CTNNA2: variants seen among roughly 807,000 people sequenced by gnomAD.
CTNNA2 encodes catenin alpha-2.
Under a neutral mutation model 101.0 loss-of-function variants are expected in CTNNA2, and 42 were observed. The observed-to-expected ratio is 0.42, with a 90% CI of 0.32 to 0.54. The LOEUF is 0.54. Among genes scored for constraint, CTNNA2 ranks in the 20% least tolerant of loss-of-function variants. The probability of loss-of-function intolerance (pLI) is 0.14; values close to 1 mark genes in which losing one functional copy is unlikely to be tolerated. For missense variants in CTNNA2, 871 were observed against 1,223.1 expected, an observed-to-expected ratio of 0.71 and a Z score of 4.29; for synonymous variants, 450 against 456.4, an observed-to-expected ratio of 0.99 and a Z score of 0.18.
At chr2:79,320,426 T>TTATTG (rs1676593056) in intron 3 of CTNNA2, among the ~76,000 whole-genome samples, 1 of 146,718 alleles carries the variant, frequency 6.8e-6, no homozygotes, top group South Asian at 2.2e-4. Context: ...GACTTGGAGT[T>TTATTG]TATTGTACTT....
chr2:80,178,153 G>A (rs1275324501), intron 7 of CTNNA2, among the ~76,000 whole-genome samples: 1 of 152,172 alleles, frequency 6.6e-6, no homozygotes, highest in Non-Finnish European at 1.5e-5. Flanking sequence ...GGGGACCATG[G>A]GCATCTGAGC....
chr2:80,006,003 T>G (rs400346), intron 7 of CTNNA2, among the ~76,000 whole-genome samples: 1 of 151,942 alleles, frequency 6.6e-6, no homozygotes, highest in African/African-American at 2.4e-5. Context: ...CACTAAAGAA[T>G]AAGTTTCCAT....
At chr2:79,530,014 G>A (rs942239575) in intron 1 of CTNNA2, among the ~76,000 whole-genome samples, 1 of 152,018 alleles carries the variant, frequency 6.6e-6, no homozygotes, top group African/African-American at 2.4e-5. Flanking sequence ...AGAAGAGACT[G>A]TGGAAACTGG....
chr2:79,812,432 G>T (rs1677118921), intron 3 of CTNNA2, among the ~76,000 whole-genome samples: 1 of 152,090 alleles, frequency 6.6e-6, no homozygotes, highest in Non-Finnish European at 1.5e-5. Context: ...GGAGTCACTA[G>T]CCTGAAATGA....
At chr2:79,519,781 C>T (rs1672007200) in intron 1 of CTNNA2, among the ~76,000 whole-genome samples, 1 of 152,164 alleles carries the variant, frequency 6.6e-6, no homozygotes, top group Non-Finnish European at 1.5e-5. Flanking sequence ...AGTAACCTGT[C>T]TTTTCTTATC....
Position 79,468,911 on chromosome 2 carries a change from C to A in CTNNA2, c.-134-36143C>A, listed in dbSNP as rs9789729. 0.011 allele frequency among the ~76,000 whole-genome samples: 1,631 copies of A among 152,198 alleles called. 81 individuals carry two copies. In the East Asian group the frequency reaches 0.13, roughly 12 times the overall value. Reference sequence around the variant, plus strand: ...AGAGGGAAATTTATAGCACTAAATACCCACAAGAGAAAGCAGGAAAGATCT... The same window carrying A: ...AGAGGGAAATTTATAGCACTAAATAACCACAAGAGAAAGCAGGAAAGATCT... On this transcript the variant is annotated intron_variant, in intron 4 of 21. Transcript: ENST00000466387.
Position 80,526,481 on chromosome 2 carries a change from C to T in CTNNA2, c.1291-18501C>T, listed in dbSNP as rs188189790. Among the ~76,000 whole-genome samples, 194 of 151,940 alleles carry T rather than the reference C, an allele frequency of 1.3e-3. 3 individuals carry two copies. The Middle Eastern group carries it at 0.027, about 21-fold the overall frequency. ...CCAAAGTCCTGAGATTACAGATGTGCGTCACCACGCCTGGCTAATTTTTGT... is the reference window on the plus strand; with the variant it reads ...CCAAAGTCCTGAGATTACAGATGTGTGTCACCACGCCTGGCTAATTTTTGT... On this transcript the variant is annotated intron_variant, in intron 9 of 18. Coordinates refer to ENST00000402739, the MANE Select transcript of CTNNA2 (RefSeq NM_001282597.3).
At chr2:80,636,159 G>A (rs1345671406) in intron 18 of CTNNA2, among the ~76,000 whole-genome samples, 1 of 152,030 alleles carries the variant, frequency 6.6e-6, no homozygotes, top group Non-Finnish European at 1.5e-5. Flanking sequence ...CAGCAAGATT[G>A]TTGTACTTAT....
intron 7 of CTNNA2, among the ~76,000 whole-genome samples, chr2:80,058,294 A>G (rs886202407): frequency 6.6e-6 from 1 of 152,210 alleles, no homozygotes; most frequent in Admixed American, 6.5e-5. Flanking sequence ...TTTTTAGTTT[A>G]CAGAGTTTAA....
intron 3 of CTNNA2, among the ~76,000 whole-genome samples, chr2:79,826,985 C>T (rs866227393): frequency 1.6e-4 from 24 of 152,110 alleles, no homozygotes; most frequent in African/African-American, 5.6e-4. Context: ...TGGCATTTTT[C>T]AAGGAAATTA....
At chr2:79,673,342 C>T (rs1386480661) in intron 2 of CTNNA2, among the ~76,000 whole-genome samples, 1 of 152,054 alleles carries the variant, frequency 6.6e-6, no homozygotes, top group African/African-American at 2.4e-5. Flanking sequence ...ATTATAAATA[C>T]ATTTTAAAGT....
intron 7 of CTNNA2, among the ~76,000 whole-genome samples, chr2:80,288,180 T>C (rs1047380617): frequency 3.9e-5 from 6 of 152,166 alleles, no homozygotes; most frequent in Non-Finnish European, 8.8e-5. Flanking sequence ...CCCCACGGCC[T>C]CCTTAACACA....
At chr2:80,356,955 T>C (rs1258376115) in intron 7 of CTNNA2, among the ~76,000 whole-genome samples, 5 of 152,196 alleles carry the variant, frequency 3.3e-5, no homozygotes, top group South Asian at 2.1e-4. Flanking sequence ...AGGAGTCATA[T>C]TAATATTTTT....
intron 4 of CTNNA2, among the ~76,000 whole-genome samples, chr2:79,424,253 G>A (rs1678570213): frequency 6.6e-6 from 1 of 152,104 alleles, no homozygotes; most frequent in African/African-American, 2.4e-5. Context: ...TACTAGAGAT[G>A]TCCAAAATAA....
chr2:80,638,998 G>A (rs1423751501), intron 18 of CTNNA2, among the ~76,000 whole-genome samples: 1 of 152,106 alleles, frequency 6.6e-6, no homozygotes, highest in Non-Finnish European at 1.5e-5. Flanking sequence ...CTTCAGCACT[G>A]GCTGGTTCTC....
chr2:79,545,832 T>C (rs986222014), intron 1 of CTNNA2, among the ~76,000 whole-genome samples: 1 of 152,196 alleles, frequency 6.6e-6, no homozygotes, highest in Admixed American at 6.5e-5. Context: ...ATAGGAGCAA[T>C]ACTTATAATA....
chr2:79,734,944 G>T (rs116416620), intron 2 of CTNNA2, among the ~76,000 whole-genome samples: 169 of 152,214 alleles, frequency 1.1e-3, no homozygotes, highest in African/African-American at 3.8e-3. Context: ...ATGACTTTGT[G>T]CAGTAGTGTC....
rs1404624792 is a variant in CTNNA2, at chr2:79,188,299, A to G, written c.-524+2868A>G. Among the ~76,000 whole-genome samples, 5 of 144,648 alleles carry G rather than the reference A, an allele frequency of 3.5e-5. No homozygotes were observed. The East Asian group carries it at 9.8e-4, about 28-fold the overall frequency. 94.9% of individuals were successfully genotyped at this position (144,648 alleles called of 152,430 possible). On this transcript the variant is annotated intron_variant, in intron 1 of 21. Coordinates refer to the CTNNA2 transcript ENST00000466387. ...TTTTTGTTGCTGGGCTGGACCATAT[A>G]GAAAATCTTTTTCCTAAATTGGTCG...
chr2:79,627,054 C>T (rs1400639776), intron 1 of CTNNA2, among the ~76,000 whole-genome samples: 1 of 152,134 alleles, frequency 6.6e-6, no homozygotes, highest in African/African-American at 2.4e-5. Context: ...ATGACTGCTT[C>T]TCTTCAAGAC....
Sources: gnomAD v4.1 joint callset for allele counts (sites outside exome capture counted in the v4.1 genomes callset) on GRCh38, gnomAD v4.1.1 for gene constraint, MANE v1.5 for transcripts, NCBI Gene and HGNC (gene_info 2026-07-23, HGNC 2026-07-21) for gene names.